The following PHACTR3 variants were observed in gnomAD, a reference collection of about 807,000 sequenced individuals.
The protein encoded by PHACTR3 is protein phosphatase 1, regulatory subunit 123.
Under a neutral mutation model 66.8 loss-of-function variants are expected in PHACTR3, and 16 were observed. The observed-to-expected ratio is 0.24, with a 90% confidence interval of 0.16 to 0.36. The LOEUF is 0.36. Among genes scored for constraint, PHACTR3 ranks in the 10% least tolerant of loss-of-function variants. The probability of loss-of-function intolerance (pLI) is 1.00; values close to 1 mark genes in which losing one functional copy is unlikely to be tolerated. For missense variants in PHACTR3, 647 were observed against 719.9 expected, an observed-to-expected ratio of 0.90 and a Z score of 1.16; for synonymous variants, 323 against 292.1, an observed-to-expected ratio of 1.11 and a Z score of -1.08.
chr20:59,639,249 T>C (rs1307152631), intron 1 of PHACTR3, among the ~76,000 whole-genome samples: 1 of 152,052 alleles, frequency 6.6e-6, no homozygotes, highest in Non-Finnish European at 1.5e-5. Flanking sequence ...AGGACAGTCA[T>C]TTGAAGAGGA....
chr20:59,697,665 G>C (rs1020811527), intron 1 of PHACTR3, among the ~76,000 whole-genome samples: 13 of 152,270 alleles, frequency 8.5e-5, no homozygotes, highest in East Asian at 5.8e-4. Flanking sequence ...GCTAAGAAAG[G>C]AGCAGAGATT....
chr20:59,805,054 C>T (rs530457988), intron 7 of PHACTR3, among the ~76,000 whole-genome samples: 1 of 152,344 alleles, frequency 6.6e-6, no homozygotes, highest in Non-Finnish European at 1.5e-5. Flanking sequence ...TACTTGCAGG[C>T]AGCAGCATCT....
intron 8 of PHACTR3, among the ~76,000 whole-genome samples, chr20:59,826,219 G>A (rs1435163754): frequency 6.6e-6 from 1 of 152,150 alleles, no homozygotes; most frequent in African/African-American, 2.4e-5. Flanking sequence ...GGGGTGCTCA[G>A]GGGCTTCGAG....
intron 1 of PHACTR3, among the ~76,000 whole-genome samples, chr20:59,622,384 T>C (rs776568591): frequency 4.6e-5 from 7 of 152,192 alleles, no homozygotes; most frequent in Non-Finnish European, 1.0e-4. Flanking sequence ...TGCTAGTTCC[T>C]ACTCCTGGGG....
intron 8 of PHACTR3, among the ~76,000 whole-genome samples, chr20:59,826,227 G>A (rs752789939): frequency 3.9e-5 from 6 of 152,242 alleles, no homozygotes; most frequent in East Asian, 1.9e-4. Flanking sequence ...CAGGGGCTTC[G>A]AGGAGGCTGG....
chr20:59,841,729 C>T (rs796892264), intron 11 of PHACTR3, among the ~76,000 whole-genome samples, 194 bp downstream of exon 11: 15 of 152,154 alleles, frequency 9.9e-5, no homozygotes, highest in African/African-American at 2.4e-4. Flanking sequence ...AGTTTTGCCC[C>T]GAGGGACATT....
At chr20:59,623,483 G>A (rs756662549) in intron 1 of PHACTR3, among the ~76,000 whole-genome samples, 8 of 152,178 alleles carry the variant, frequency 5.3e-5, no homozygotes, top group Admixed American at 1.3e-4. Flanking sequence ...CCCGTCTCTC[G>A]TCCCACGACA....
intron 1 of PHACTR3, among the ~76,000 whole-genome samples, chr20:59,729,660 T>G (rs950500255): frequency 5.3e-5 from 8 of 152,120 alleles, no homozygotes; most frequent in Non-Finnish European, 1.0e-4. Context: ...AGGGACTGGC[T>G]CTGTCACCTG....
intron 1 of PHACTR3, among the ~76,000 whole-genome samples, chr20:59,610,233 T>C (rs1395322407): frequency 6.6e-6 from 1 of 152,250 alleles, no homozygotes; most frequent in Non-Finnish European, 1.5e-5. Context: ...CCAACCTGCG[T>C]GACAGAGGTA....
chr20:59,641,424 A>G (rs6015539), intron 1 of PHACTR3, among the ~76,000 whole-genome samples: 109,425 of 152,072 alleles, frequency 0.72, 39,533 homozygotes, highest in East Asian at 0.91. Context: ...CCTGAGAAAC[A>G]GGAGAGCTAA....
intron 1 of PHACTR3, among the ~76,000 whole-genome samples, chr20:59,633,467 CAG>C (rs2034742570): frequency 6.6e-6 from 1 of 152,052 alleles, no homozygotes. Context: ...CACATGGTCA[CAG>C]AGAGGGGAAC....
chr20:59,619,140 G>A (rs1011208668), intron 1 of PHACTR3, among the ~76,000 whole-genome samples: 17 of 152,144 alleles, frequency 1.1e-4, no homozygotes, highest in African/African-American at 4.1e-4. Context: ...ATCCTGTATA[G>A]CCCCCTCCCC....
chr20:59,773,459 G>A lies in PHACTR3; in HGVS notation c.926+6G>A, dbSNP rs746704831. 17 of 1,600,554 alleles carry A rather than the reference G, an allele frequency of 1.1e-5. No individual in the cohort carries two copies. Among genetic ancestry groups the A allele is most frequent in the Non-Finnish European group, 1.4e-5 (17 of 1,174,510 alleles). Reference sequence around the variant, plus strand: ...ACGAAGCACCGCCAGGACAGGTGAGGCCCTGCCCCATGAGGGAGACCTGTG... The same window carrying A: ...ACGAAGCACCGCCAGGACAGGTGAGACCCTGCCCCATGAGGGAGACCTGTG... On this transcript the variant is annotated splice_donor_region_variant and intron_variant, in intron 6 of 12. Transcript: ENST00000371015.
intron 1 of PHACTR3, chr20:59,628,242 G>A (rs767873968): frequency 2.0e-5 from 3 of 152,178 alleles, no homozygotes; most frequent in Admixed American, 6.5e-5. Context: ...TGGGAGCTCC[G>A]AGCCATGCGT....
At chr20:59,785,635 C>T (rs1276629562) in intron 7 of PHACTR3, among the ~76,000 whole-genome samples, 1 of 152,160 alleles carries the variant, frequency 6.6e-6, no homozygotes, top group Non-Finnish European at 1.5e-5. Flanking sequence ...GGGCCCTGCC[C>T]AGCTCCACGC....
chr20:59,700,874 C>T (rs919342621), intron 1 of PHACTR3, among the ~76,000 whole-genome samples: 7 of 152,162 alleles, frequency 4.6e-5, no homozygotes, highest in Non-Finnish European at 7.3e-5. Flanking sequence ...TTTGCAGCCT[C>T]GACCTCCTGG....
At position 59,635,169 on chromosome 20, in the gene PHACTR3, C is replaced by CTTTCTTTCTTTCTTT. The variant is rs1555881178; in HGVS notation, c.118+30037_118+30038insTTTCTTTCTTTCTTT. 2.9e-4 allele frequency among the ~76,000 whole-genome samples: 16 copies of CTTTCTTTCTTTCTTT among 55,374 alleles called. 1 individual carries two copies. Among genetic ancestry groups the CTTTCTTTCTTTCTTT allele is most frequent in the African/African-American group, 1.2e-3 (16 of 13,440 alleles). 36.3% of individuals were successfully genotyped at this position (55,374 alleles called of 152,430 possible). A position where few individuals can be genotyped will look rare whatever the true frequency, so the allele number is the denominator to read the frequency against. On this transcript the variant is annotated intron_variant, in intron 1 of 12. Coordinates refer to ENST00000371015, the MANE Select transcript of PHACTR3 (RefSeq NM_080672.5). ...TTTCTTTTTCTTTCTTTCTTTCTTTCCTTTCTTTCTTTCTTTCTTTCTTTC... is the reference window on the plus strand; with the variant it reads ...TTTCTTTTTCTTTCTTTCTTTCTTTCTTTCTTTCTTTCTTTCTTTCTTTCTTTCTTTCTTTCTTTC...
At chr20:59,697,560 C>T (rs1398841337) in intron 1 of PHACTR3, among the ~76,000 whole-genome samples, 2 of 152,070 alleles carry the variant, frequency 1.3e-5, no homozygotes, top group Admixed American at 6.5e-5. Context: ...CCTTCCTGAA[C>T]CTCAAATAGC....
intron 8 of PHACTR3, 97 bp downstream of exon 8, chr20:59,806,291 G>T: frequency 1.4e-6 from 2 of 1,467,086 alleles, no homozygotes; most frequent in South Asian, 2.7e-5. Flanking sequence ...AGGCCGGGAC[G>T]CACAACCCAC....
Sources: allele counts gnomAD v4.1 joint callset (sites outside exome capture counted in the v4.1 genomes callset), GRCh38; gene constraint gnomAD v4.1.1; transcripts MANE v1.5; gene names NCBI Gene and HGNC (gene_info 2026-07-23, HGNC 2026-07-21).